NIPSNAP3B: variants seen among roughly 807,000 people sequenced by gnomAD.
NIPSNAP3B encodes the protein protein NipSnap homolog 3B.
Under a neutral mutation model 31.5 loss-of-function variants are expected in NIPSNAP3B, and 30 were observed. That is an observed-to-expected ratio of 0.95 (90% CI 0.71 to 1.29). The LOEUF is 1.29. NIPSNAP3B is among the 50% of genes most tolerant of loss of function. NIPSNAP3B has a pLI of 0.00. For synonymous variants in NIPSNAP3B, 106 were observed against 107.9 expected (o/e 0.98, Z 0.11); for missense variants, 269 against 300.7 (o/e 0.89, Z 0.78).
rs1020842754 is a variant in NIPSNAP3B, at chr9:104,766,477, A to G, written c.213A>G (p.Gly71=). 24 of 1,613,804 alleles carry G rather than the reference A, an allele frequency of 1.5e-5. No homozygotes were observed. The highest frequency in any genetic ancestry group is 1.9e-5 in the Non-Finnish European group (22 of 1,179,756). ...HLRTSYSELV[G]FWSVEFGGRT... is the part of the protein sequence containing the mutation. ...GGACCTCTTACTCTGAATTGGTTGG[A>G]TTCTGGAGTGTAGAATTTGGAGGCA... Residue 71 remains glycine (G), a synonymous_variant, in exon 2 of 6, where the codon GGA becomes GGG. Transcript: ENST00000374762.
downstream of NIPSNAP3B, chr9:104,781,271 A>C (rs2118821819): frequency 6.5e-6 from 1 of 152,754 alleles, no homozygotes; most frequent in Middle Eastern, 3.4e-3. Context: ...AAAGAGCACA[A>C]AAACAGCTTC....
chr9:104,786,216 G>T, the NIPSNAP3B span: 1 of 1,173,158 alleles, frequency 8.5e-7, no homozygotes. Flanking sequence ...CTTTATGTTA[G>T]AGGCACCATT....
chr9:104,784,466 A>G, the NIPSNAP3B span: 1 of 1,614,018 alleles, frequency 6.2e-7, no homozygotes. Flanking sequence ...CTGTTAAAAG[A>G]TTAAGATGGA....
At chr9:104,778,616 G>C (rs1329969376), downstream of NIPSNAP3B, among the ~76,000 whole-genome samples, 1 of 152,122 alleles carries the variant, frequency 6.6e-6, no homozygotes, top group East Asian at 1.9e-4. Context: ...CATCTACCTA[G>C]TTCAGGTCAC....
At chr9:104,771,174 T>C (rs1828209153) in intron 4 of NIPSNAP3B, 176 bp downstream of exon 4, 1 of 541,532 alleles carries the variant, frequency 1.8e-6, no homozygotes, top group Non-Finnish European at 3.2e-6. Context: ...AGAATGTTAA[T>C]ACTTTATGGA....
chr9:104,774,733 G>A lies in NIPSNAP3B; in HGVS notation c.*1660G>A, dbSNP rs1015148103. On this transcript the variant is annotated 3_prime_UTR_variant, in exon 6 of 6. Coordinates refer to ENST00000374762, the MANE Select transcript of NIPSNAP3B (RefSeq NM_018376.4). ...TCATACTTAGCTCCAAGTAGATTAT[G>A]ACTTTTCCTAAAACTTAACATGACA... is the stretch of plus-strand genomic sequence containing the variant. Among the ~76,000 whole-genome samples, 1 of 152,158 alleles carries A rather than the reference G, an allele frequency of 6.6e-6. No individual in the cohort carries two copies. The highest frequency in any genetic ancestry group is 2.4e-5 in the African/African-American group (1 of 41,426).
At position 104,776,536 on chromosome 9, in the gene NIPSNAP3B, A is replaced by G. The variant is rs75510317; in HGVS notation, c.*3463A>G. The stretch of plus-strand genomic sequence containing the variant: ...GAAGAGCCCTCACTGTGAGGAAACC[A>G]GAATGTAAGCCTTCACCAGAACTTC... On this transcript the variant is annotated 3_prime_UTR_variant, in exon 6 of 6. Coordinates refer to ENST00000374762, the MANE Select transcript of NIPSNAP3B (RefSeq NM_018376.4). Among the ~76,000 whole-genome samples, 1,594 of 152,282 alleles carry G rather than the reference A, an allele frequency of 0.01. 13 individuals are homozygous for G. The highest frequency in any genetic ancestry group is 0.037 in the Middle Eastern group (11 of 294).
the NIPSNAP3B span, chr9:104,790,873 A>G: frequency 1.9e-5 from 25 of 1,282,704 alleles, no homozygotes; most frequent in Non-Finnish European, 2.8e-5. Context: ...CTTTAAATAA[A>G]TTAAAAACAA....
chr9:104,788,633 C>T, the NIPSNAP3B span: 8 of 1,566,338 alleles, frequency 5.1e-6, no homozygotes, highest in African/African-American at 8.1e-5. Context: ...GACAATCTGG[C>T]CTAATGTTCC....
downstream of NIPSNAP3B, chr9:104,781,838 T>C (rs1198994497): frequency 6.6e-6 from 1 of 152,524 alleles, no homozygotes; most frequent in Non-Finnish European, 1.5e-5. Context: ...TACAGAAATT[T>C]TGCTTGATTG....
chr9:104,788,430 C>G, the NIPSNAP3B span: 1 of 1,614,100 alleles, frequency 6.2e-7, no homozygotes, highest in South Asian at 1.1e-5. Context: ...CAGTACCTTG[C>G]CAACTTCTTT....
At chr9:104,772,972 G>A in intron 5 of NIPSNAP3B, 25 bp from the exon 6 acceptor site, 3 of 1,613,934 alleles carry the variant, frequency 1.9e-6, no homozygotes, top group Non-Finnish European at 2.5e-6. Flanking sequence ...ATAACTGTAT[G>A]CCTTCTTATG....
At chr9:104,769,182 G>A (rs1162154608) in intron 3 of NIPSNAP3B, among the ~76,000 whole-genome samples, 161 bp downstream of exon 3, 2 of 152,018 alleles carry the variant, frequency 1.3e-5, no homozygotes, top group Non-Finnish European at 2.9e-5. Flanking sequence ...GACTGGGCGC[G>A]GTGGCTCACG....
Position 104,773,053 on chromosome 9 carries a change from T to C in NIPSNAP3B, c.724T>C (p.Ser242Pro). ...SQQNMLLIPA[S>P]FSPLK ...GCAGAATATGCTTCTGATTCCTGCA[T>C]CATTTTCACCATTGAAATAGTTTTC... Residue 242 changes from serine to proline, a missense_variant, in exon 6 of 6, where the codon TCA becomes CCA. Physicochemically the swap from Ser to Pro is moderately conservative, Grantham distance 74. Transcript: ENST00000374762. 3 of 1,614,076 alleles carry C rather than the reference T, an allele frequency of 1.9e-6. No homozygotes were observed. The highest frequency in any genetic ancestry group is 2.5e-6 in the Non-Finnish European group (3 of 1,179,926).
the NIPSNAP3B span, among the ~76,000 whole-genome samples, chr9:104,785,933 G>C: frequency 2.1e-3 from 322 of 152,322 alleles, 2 homozygotes; most frequent in African/African-American, 7.3e-3. Flanking sequence ...CCATGGCTCA[G>C]AGCTCATAAT....
rs752800269 is a variant in NIPSNAP3B at position 104,769,027 on chromosome 9, T to G, written c.430+6T>G. The G allele has an allele frequency of 6.2e-7, 1 of 1,610,772 alleles. No individual in the cohort carries two copies. Among genetic ancestry groups the G allele is most frequent in the East Asian group, 2.2e-5 (1 of 44,812 alleles). ...AGAAAAGCCTCCAAAAGAAGGTGAGTTCTTCCCTCTTAGACTATGAGTTTT... is the reference window on the plus strand; with the variant it reads ...AGAAAAGCCTCCAAAAGAAGGTGAGGTCTTCCCTCTTAGACTATGAGTTTT... On this transcript the variant is annotated splice_donor_region_variant and intron_variant, in intron 3 of 5. Coordinates refer to ENST00000374762, the MANE Select transcript of NIPSNAP3B (RefSeq NM_018376.4).
chr9:104,773,029 C>A lies in NIPSNAP3B; in HGVS notation c.700C>A (p.Gln234Lys), dbSNP rs750851064. ...AAGTGTCAACTACCTAGTTTCTCAG[C>A]AGAATATGCTTCTGATTCCTGCATC... ...RESVNYLVSQ[Q>K]NMLLIPASFS... The change falls in exon 6 of 6, where the codon CAG becomes AAG. Residue 234 changes from glutamine (Q) to lysine (K), a missense_variant. Transcript: ENST00000374762. The A allele has an allele frequency of 6.2e-6, 10 of 1,614,082 alleles. No individual in the cohort carries two copies. Among genetic ancestry groups the A allele is most frequent in the Non-Finnish European group, 8.5e-6 (10 of 1,179,950 alleles).
In NIPSNAP3B at chr9:104,766,336, T is replaced by A. The variant is rs1828088337; in HGVS notation, c.72T>A (p.Ser24=). 1 of 1,613,372 alleles carries A rather than the reference T, an allele frequency of 6.2e-7. No individual in the cohort carries two copies. The highest frequency in any genetic ancestry group is 1.3e-5 in the African/African-American group (1 of 74,910). ...SRTLAPQVCS[S]FATGPRQYDG... ...CTTACCTCCTTCAGGTGTGTTCATC[T>A]TTTGCTACGGGCCCTAGACAATACG... Residue 24 remains serine (S), a synonymous_variant, in exon 2 of 6, where the codon TCT becomes TCA. Coordinates refer to ENST00000374762, the MANE Select transcript of NIPSNAP3B (RefSeq NM_018376.4).
chr9:104,785,556 G>A, the NIPSNAP3B span: 1 of 1,612,790 alleles, frequency 6.2e-7, no homozygotes, highest in East Asian at 2.2e-5. Context: ...TCCAGGAAAT[G>A]CAAGTCCAAA....
Sources: gnomAD v4.1 joint callset for allele counts (sites outside exome capture counted in the v4.1 genomes callset) on GRCh38, gnomAD v4.1.1 for gene constraint, MANE v1.5 for transcripts, NCBI Gene and HGNC (gene_info 2026-07-23, HGNC 2026-07-21) for gene names.